The following VKORC1L1 variants were observed in gnomAD, a reference collection of about 807,000 sequenced individuals.
VKORC1L1 encodes vitamin K epoxide reductase complex subunit 1-like protein 1.
A neutral mutation model predicts 18.9 loss-of-function variants in VKORC1L1; 2 were observed. The ratio of observed to expected loss-of-function variants is 0.11; its 90% confidence interval spans 0.04 to 0.33. The LOEUF (loss-of-function observed/expected upper bound fraction) is 0.33. Ranked by LOEUF, VKORC1L1 falls within the 10% of genes least tolerant of loss-of-function variation. The pLI is 1.00. For missense variants in VKORC1L1, 123 were observed against 224.1 expected, an observed-to-expected ratio of 0.55 and a Z score of 2.88; for synonymous variants, 96 against 100.0, an observed-to-expected ratio of 0.96 and a Z score of 0.24.
chr7:65,882,081 G>A (rs1562981402), intron 1 of VKORC1L1, among the ~76,000 whole-genome samples: 3 of 142,824 alleles, frequency 2.1e-5, no homozygotes, highest in Non-Finnish European at 4.6e-5. Context: ...TCTGTCTCAA[G>A]AAAATAAAAT....
intron 1 of VKORC1L1, among the ~76,000 whole-genome samples, chr7:65,918,241 A>G (rs1789620000): frequency 6.6e-6 from 1 of 152,232 alleles, no homozygotes; most frequent in African/African-American, 2.4e-5. Flanking sequence ...AGTATTGCCT[A>G]AAAAGGGAAA....
At chr7:65,925,664 C>G (rs1189401140) in intron 1 of VKORC1L1, among the ~76,000 whole-genome samples, 1 of 152,152 alleles carries the variant, frequency 6.6e-6, no homozygotes, top group African/African-American at 2.4e-5. Flanking sequence ...TGCAAAACTT[C>G]AAAGCCTTTA....
At chr7:65,921,888 G>A (rs192376473) in intron 1 of VKORC1L1, among the ~76,000 whole-genome samples, 5 of 151,984 alleles carry the variant, frequency 3.3e-5, no homozygotes, top group Admixed American at 2.0e-4. Flanking sequence ...GGGTCTCACG[G>A]TGTTACCCAG....
chr7:65,891,654 T>C (rs976064414), intron 1 of VKORC1L1, among the ~76,000 whole-genome samples: 1 of 152,200 alleles, frequency 6.6e-6, no homozygotes, highest in African/African-American at 2.4e-5. Context: ...ACAGAATTTT[T>C]TTTATTTTTG....
chr7:65,890,598 C>A (rs1789096046), intron 1 of VKORC1L1, among the ~76,000 whole-genome samples: 1 of 152,192 alleles, frequency 6.6e-6, no homozygotes, highest in Non-Finnish European at 1.5e-5. Context: ...ATATTTGTCT[C>A]CAGTTTGCAG....
At chr7:65,891,442 C>T (rs1381425476) in intron 1 of VKORC1L1, among the ~76,000 whole-genome samples, 3 of 151,920 alleles carry the variant, frequency 2.0e-5, no homozygotes, top group Admixed American at 1.3e-4. Flanking sequence ...GTTGACCAGC[C>T]TTTTATATGT....
upstream of VKORC1L1, among the ~76,000 whole-genome samples, chr7:65,872,154 C>T (rs1788733809): frequency 6.6e-6 from 1 of 152,056 alleles, no homozygotes; most frequent in African/African-American, 2.4e-5. Flanking sequence ...TATGTAAGCC[C>T]CTATGGCCTG....
Position 65,954,346 on chromosome 7 carries a change from A to C in VKORC1L1, c.*46A>C, listed in dbSNP as rs201051961. 180 of 1,599,246 alleles carry C rather than the reference A, an allele frequency of 1.1e-4. No homozygotes were observed. In the Middle Eastern group the frequency reaches 1.7e-3, roughly 15 times the overall value. On this transcript the variant is annotated 3_prime_UTR_variant, in exon 3 of 3. Transcript: ENST00000360768. ...AACAGTCTCAAGCCCCTTTCCATTC[A>C]GTTTATTTTGCAGCAGGTTTTTATT...
At chr7:65,913,545 G>A (rs575709283) in intron 1 of VKORC1L1, among the ~76,000 whole-genome samples, 1 of 151,992 alleles carries the variant, frequency 6.6e-6, no homozygotes, top group East Asian at 1.9e-4. Context: ...GGCCAATGTG[G>A]TGAAACCCCA....
chr7:65,879,510 G>A (rs1351376561), intron 1 of VKORC1L1, among the ~76,000 whole-genome samples: 1 of 152,178 alleles, frequency 6.6e-6, no homozygotes, highest in African/African-American at 2.4e-5. Context: ...CCATGAGGCA[G>A]GTAGCTTTTA....
chr7:65,929,193 G>C (rs1789815294), intron 1 of VKORC1L1, among the ~76,000 whole-genome samples: 1 of 152,190 alleles, frequency 6.6e-6, no homozygotes, highest in African/African-American at 2.4e-5. Flanking sequence ...CGCATCACCT[G>C]AGGTCAGGAG....
intron 1 of VKORC1L1, among the ~76,000 whole-genome samples, chr7:65,947,414 G>GT (rs58878681): frequency 0.14 from 18,653 of 130,752 alleles, 1,320 homozygotes; most frequent in Middle Eastern, 0.22. Context: ...ACCATAACTG[G>GT]TTTTTTTTTT....
intron 1 of VKORC1L1, among the ~76,000 whole-genome samples, chr7:65,887,168 T>A (rs1489810445): frequency 1.3e-5 from 2 of 152,036 alleles, no homozygotes; most frequent in Admixed American, 6.6e-5. Context: ...AGAGTTTTGT[T>A]CTCCAAACTT....
At chr7:65,867,184 A>G in the VKORC1L1 span, among the ~76,000 whole-genome samples, 2,408 of 152,108 alleles carry the variant, frequency 0.016, 47 homozygotes, top group East Asian at 0.085. Flanking sequence ...AGACTCCATC[A>G]CTAAAAAAAG....
Position 65,873,255 on chromosome 7 carries a change from G to C in VKORC1L1, c.-117G>C, listed in dbSNP as rs567043699. On this transcript the variant is annotated 5_prime_UTR_variant, in exon 1 of 3. Coordinates refer to ENST00000360768, the MANE Select transcript of VKORC1L1 (RefSeq NM_173517.6). The stretch of plus-strand genomic sequence containing the variant: ...AATGGGGCGCGGCGGCGGCGGCGGC[G>C]GTGGTGGCGGCGGCGGCGGAGGCGG... 4.5e-4 allele frequency: 438 copies of C among 968,198 alleles called. 10 individuals carry two copies. The East Asian group carries it at 0.035, about 78-fold the overall frequency. The allele number at this position is 968,198 out of a possible 1,614,324, so 60.0% of individuals were successfully genotyped here.
rs571456651 is a variant in VKORC1L1, at chr7:65,900,251, G to A, written c.194+26686G>A. Among the ~76,000 whole-genome samples the A allele has an allele frequency of 1.4e-3, 206 of 151,664 alleles. 1 individual carries two copies. Among genetic ancestry groups the A allele is most frequent in the African/African-American group, 4.5e-3 (185 of 41,324 alleles). ...AAAAATACAAAAAAATTAGCCAGGCGTGGTGGCGGGCACCTGTAGTCTCAG... is the reference window on the plus strand; with the variant it reads ...AAAAATACAAAAAAATTAGCCAGGCATGGTGGCGGGCACCTGTAGTCTCAG... On this transcript the variant is annotated intron_variant, in intron 1 of 2. Transcript: ENST00000360768.
intron 1 of VKORC1L1, among the ~76,000 whole-genome samples, chr7:65,911,196 A>G (rs1364464384): frequency 1.3e-5 from 2 of 152,196 alleles, no homozygotes; most frequent in Non-Finnish European, 2.9e-5. Context: ...CACTGAAAAG[A>G]TGCTGCAAAA....
rs1790306352 is a variant in VKORC1L1 at position 65,956,977 on chromosome 7, G to A, written c.*2677G>A. 1 of 152,192 alleles carries A rather than the reference G, an allele frequency of 6.6e-6. No individual in the cohort carries two copies. The highest frequency in any genetic ancestry group is 6.5e-5 in the Admixed American group (1 of 15,278). 9.4% of individuals were successfully genotyped at this position (152,192 alleles called of 1,614,324 possible). ...GAAGAAATAACAGGAATTGGGGTTA[G>A]ATGATAAATTCTAGGGAATCTAGGT... On this transcript the variant is annotated 3_prime_UTR_variant, in exon 3 of 3. Coordinates refer to ENST00000360768, the MANE Select transcript of VKORC1L1 (RefSeq NM_173517.6).
chr7:65,870,998 C>G (rs1788718933), upstream of VKORC1L1, among the ~76,000 whole-genome samples: 1 of 152,098 alleles, frequency 6.6e-6, no homozygotes, highest in African/African-American at 2.4e-5. Context: ...GTTGCTCAGG[C>G]TGGTCTTGAA....
Sources: allele counts gnomAD v4.1 joint callset (sites outside exome capture counted in the v4.1 genomes callset), GRCh38; gene constraint gnomAD v4.1.1; transcripts MANE v1.5; gene names NCBI Gene and HGNC (gene_info 2026-07-23, HGNC 2026-07-21).